APC2: variants seen among roughly 807,000 people sequenced by gnomAD.
APC2 encodes the protein APC regulator of Wnt signaling pathway 2, also known as adenomatous polyposis coli protein 2.
APC2 carries 41 observed loss-of-function variants against 72.5 expected under a neutral mutation model. The ratio of observed to expected loss-of-function variants is 0.57; its 90% CI spans 0.44 to 0.73. The LOEUF is 0.73. APC2 is among the 30% of genes least tolerant of loss of function. The pLI, the probability that APC2 is intolerant of heterozygous loss-of-function variation, is 0.00. For missense variants in APC2, 3,729 were observed against 3,403.4 expected, an observed-to-expected ratio of 1.10 and a Z score of -2.38; for synonymous variants, 1,898 against 1,612.0, an observed-to-expected ratio of 1.18 and a Z score of -4.25.
chr19:1,455,598 A>C (rs2145191073), intron 6 of APC2, 98 bp downstream of exon 6: 3 of 1,226,602 alleles, frequency 2.4e-6, no homozygotes, highest in South Asian at 2.6e-5. Flanking sequence ...GGGTAATGGG[A>C]GGAGTCTTAT....
chr19:1,454,563 C>CTTTTTT (rs71174371), intron 4 of APC2, among the ~76,000 whole-genome samples: 3 of 116,172 alleles, frequency 2.6e-5, no homozygotes, highest in African/African-American at 3.6e-5. Context: ...ATCTTTTGTA[C>CTTTTTT]TTTTTTTTTT....
In APC2 at chr19:1,469,673, C is replaced by G. The variant is rs1458413066; in HGVS notation, c.6372C>G (p.Ala2124=). Residue 2124 remains alanine (A), a synonymous_variant, in exon 15 of 15, where the codon GCC becomes GCG. Transcript: ENST00000590469. ...CCGCGGCCCCTGCCTCAGCCGACGCCGCGCGCCGCAGCAGCGACGGGGAGC... is the reference window on the plus strand; with the variant it reads ...CCGCGGCCCCTGCCTCAGCCGACGCGGCGCGCCGCAGCAGCGACGGGGAGC... ...AVPAAPASAD[A]ARRSSDGEPR... 1.6e-6 allele frequency: 2 copies of G among 1,273,014 alleles called. No homozygotes were observed. Among genetic ancestry groups the G allele is most frequent in the Non-Finnish European group, 2.0e-6 (2 of 1,015,688 alleles). 78.9% of individuals were successfully genotyped at this position (1,273,014 alleles called of 1,614,324 possible). A position where few individuals can be genotyped will look rare whatever the true frequency, so the allele number is the denominator to read the frequency against.
At position 1,455,508 on chromosome 19, in the gene APC2, G is replaced by T; in HGVS notation, c.639+8G>T. ...ATGGTGCAGCGGGCACAGGTGCGGC[G>T]GTGGGCGGGGTGGCGCGGCGGTAGG... is the stretch of plus-strand genomic sequence containing the variant. On this transcript the variant is annotated splice_region_variant and intron_variant, in intron 6 of 14. Transcript: ENST00000590469. The T allele has an allele frequency of 3.1e-6, 5 of 1,593,950 alleles. No homozygotes were observed. Among genetic ancestry groups the T allele is most frequent in the Non-Finnish European group, 4.3e-6 (5 of 1,169,788 alleles).
At chr19:1,459,797 T>TC (rs2083894931) in intron 10 of APC2, among the ~76,000 whole-genome samples, 1 of 152,142 alleles carries the variant, frequency 6.6e-6, no homozygotes, top group South Asian at 2.1e-4. Flanking sequence ...GATGCTGCTC[T>TC]CCATCTGATG....
intron 10 of APC2, among the ~76,000 whole-genome samples, chr19:1,459,470 C>T (rs2145207124): frequency 6.6e-6 from 1 of 152,282 alleles, no homozygotes; most frequent in South Asian, 2.1e-4. Flanking sequence ...TCTAGCTGCC[C>T]CCCACTCCTG....
rs531716646 is a variant in APC2, at chr19:1,467,773, G to A, written c.4472G>A (p.Gly1491Glu). The A allele has an allele frequency of 6.8e-5, 97 of 1,432,552 alleles. 1 individual carries two copies. The South Asian group carries it at 1.3e-3, about 19-fold the overall frequency. The allele number at this position is 1,432,552 out of a possible 1,614,324, so 88.7% of individuals were successfully genotyped here. Residue 1491 changes from glycine (G) to glutamate (E), a missense_variant, in exon 15 of 15, where the codon GGG (glycine) becomes GAG (glutamate). By Grantham distance (98) the Gly-to-Glu change is moderately conservative. Coordinates refer to ENST00000590469, the MANE Select transcript of APC2 (RefSeq NM_005883.3). ...AAGCCCGGCCGGACCCGCGGGGACG[G>A]GGCGCTCCAGTCGCTGTGCCTCACG... ...GSKPGRTRGD[G>E]ALQSLCLTTP... is the part of the protein sequence containing the mutation.
Position 1,452,912 on chromosome 19 carries a change from G to C in APC2, c.-18-72G>C. 2.0e-6 allele frequency: 3 copies of C among 1,521,842 alleles called. No homozygotes were observed. The highest frequency in any genetic ancestry group is 2.7e-6 in the Non-Finnish European group (3 of 1,130,586). 94.3% of individuals were successfully genotyped at this position (1,521,842 alleles called of 1,614,324 possible). Reference sequence around the variant, plus strand: ...AGGACGGCTGGGGCTTAGGTCAGGGGCCGTCTGTCCGGAAGGCATCACCGC... The same window carrying C: ...AGGACGGCTGGGGCTTAGGTCAGGGCCCGTCTGTCCGGAAGGCATCACCGC... On this transcript the variant is annotated intron_variant, in intron 1 of 14. Transcript: ENST00000590469. The surrounding 1 kb of genome is among the most constrained non-coding windows in gnomAD (Gnocchi z 5.1).
rs2084100371 is a variant in APC2 at position 1,469,753 on chromosome 19, A to T, written c.6452A>T (p.Asp2151Val). 6.7e-7 allele frequency: 1 copy of T among 1,491,948 alleles called. No individual in the cohort carries two copies. The highest frequency in any genetic ancestry group is 1.5e-5 in the African/African-American group (1 of 67,928). The allele number at this position is 1,491,948 out of a possible 1,614,324, so 92.4% of individuals were successfully genotyped here. ...GGCACGACCTGGCGGCGCATCCGAG[A>T]TGAGGACGTGCCCCACATCCTGCGC... ...APGTTWRRIR[D>V]EDVPHILRST... The change falls in exon 15 of 15, where the codon GAT becomes GTT. Residue 2151 changes from aspartate to valine, a missense_variant. Transcript: ENST00000590469.
At position 1,468,160 on chromosome 19, in the gene APC2, C is replaced by A; in HGVS notation, c.4859C>A (p.Pro1620His). The A allele has an allele frequency of 6.8e-7, 1 of 1,461,146 alleles. No homozygotes were observed. The highest frequency in any genetic ancestry group is 1.3e-5 in the South Asian group (1 of 74,308). 90.5% of individuals were successfully genotyped at this position (1,461,146 alleles called of 1,614,324 possible). Residue 1620 changes from proline to histidine, a missense_variant, in exon 15 of 15, where the codon CCC (proline) becomes CAC (histidine). Physicochemically the swap from Pro to His is moderately conservative, Grantham distance 77. Coordinates refer to ENST00000590469, the MANE Select transcript of APC2 (RefSeq NM_005883.3). ...CCAGGAGGCGGACGCGACAGCTCGC[C>A]CAGCCCGCGGGCCGCGGAGGAGCTT... ...PGPGGGRDSS[P>H]SPRAAEELLQ... is the part of the protein sequence containing the mutation.
upstream of APC2, among the ~76,000 whole-genome samples, chr19:1,446,968 C>T (rs966893831): frequency 1.3e-5 from 2 of 152,202 alleles, no homozygotes; most frequent in African/African-American, 4.8e-5. This position sits in a 1 kb window ranked among gnomAD's most constrained non-coding sequence, Gnocchi z 6.1. Flanking sequence ...GAGGCCGGAG[C>T]CTCGTTGCGG....
chr19:1,468,273 G>A lies in APC2; in HGVS notation c.4972G>A (p.Asp1658Asn). 1 of 1,532,076 alleles carries A rather than the reference G, an allele frequency of 6.5e-7. No homozygotes were observed. The highest frequency in any genetic ancestry group is 8.8e-7 in the Non-Finnish European group (1 of 1,141,286). The allele number at this position is 1,532,076 out of a possible 1,614,324, so 94.9% of individuals were successfully genotyped here. ...CCGCAAGCCCCGAGCCACCCGGCTG[G>A]ATGAGCGGCCCGCAGAGGGGTCCCG... Reference protein sequence around the residue: ...RRRKPRATRLDERPAEGSRER... With the variant: ...RRRKPRATRLNERPAEGSRER... The change falls in exon 15 of 15, where the codon GAT becomes AAT. Residue 1658 changes from aspartate to asparagine, a missense_variant. By Grantham distance (23) the Asp-to-Asn change is conservative. Transcript: ENST00000590469.
chr19:1,456,435 CA>C (rs759466635), intron 8 of APC2, 31 bp downstream of exon 8: 1 of 1,553,276 alleles, frequency 6.4e-7, no homozygotes, highest in Non-Finnish European at 8.7e-7. Context: ...GGGGCTGGCG[CA>C]GCTGTCTGGG....
chr19:1,458,318 GGGGCTCAGAAC>G (rs1230770832), intron 10 of APC2: 7 of 545,042 alleles, frequency 1.3e-5, no homozygotes, highest in African/African-American at 9.5e-5. Flanking sequence ...TAAGTTCCCT[GGGGCTCAGAAC>G]AGGGAACGGA....
chr19:1,468,440 G>A lies in APC2; in HGVS notation c.5139G>A (p.Glu1713=), dbSNP rs1045710352. The A allele has an allele frequency of 1.0e-5, 16 of 1,594,334 alleles. No individual in the cohort carries two copies. In the East Asian group the frequency reaches 3.6e-4, roughly 36 times the overall value. ...AAAATREASS[E]SDSILSFVSG... Reference sequence around the variant, plus strand: ...CTGCCACGCGGGAGGCCTCGTCCGAGTCCGACTCCATCCTGTCCTTCGTAT... The same window carrying A: ...CTGCCACGCGGGAGGCCTCGTCCGAATCCGACTCCATCCTGTCCTTCGTAT... The change falls in exon 15 of 15, where the codon GAG becomes GAA. Residue 1713 remains glutamate, a synonymous_variant. Transcript: ENST00000590469.
rs265276 is a variant in APC2 at position 1,471,128 on chromosome 19, C to G, written c.*915C>G. On this transcript the variant is annotated 3_prime_UTR_variant, in exon 15 of 15. Coordinates refer to ENST00000590469, the MANE Select transcript of APC2 (RefSeq NM_005883.3). Reference sequence around the variant, plus strand: ...ATGGAAAGGAGACTGAGGGGAGTCCCGGCAGTGAGCCCGAGGCCCTGGGAC... The same window carrying G: ...ATGGAAAGGAGACTGAGGGGAGTCCGGGCAGTGAGCCCGAGGCCCTGGGAC... 23,652 of 152,428 alleles carry G rather than the reference C, an allele frequency of 0.16. 3,714 individuals carry two copies. The highest frequency in any genetic ancestry group is 0.4 in the African/African-American group (16,683 of 41,506). 9.4% of individuals were successfully genotyped at this position (152,428 alleles called of 1,614,324 possible).
chr19:1,448,388 A>C (rs142772005), upstream of APC2, among the ~76,000 whole-genome samples: 122 of 151,954 alleles, frequency 8.0e-4, no homozygotes, highest in African/African-American at 2.8e-3. Flanking sequence ...CTCTATTAAA[A>C]ATACAAAAAT....
At chr19:1,457,828 G>A (rs2083859278) in intron 9 of APC2, 137 bp from the exon 10 acceptor site, 2 of 718,204 alleles carry the variant, frequency 2.8e-6, no homozygotes, top group Non-Finnish European at 4.7e-6. Flanking sequence ...GGCTGGGAAA[G>A]GAAGTCCCAA....
intron 14 of APC2, 35 bp from the exon 15 acceptor site, chr19:1,465,120 G>C (rs369614358): frequency 1.3e-6 from 2 of 1,571,866 alleles, no homozygotes; most frequent in Non-Finnish European, 8.6e-7. Context: ...GGGAGGGTGG[G>C]GGGTGGCCCA....
At chr19:1,455,324 G>C (rs1435938220) in intron 5 of APC2, 60 bp from the exon 6 acceptor site, 1 of 1,587,686 alleles carries the variant, frequency 6.3e-7, no homozygotes, top group Non-Finnish European at 8.6e-7. Context: ...GCGGCGTGGG[G>C]GAGGAACGGG....
Sources: allele counts gnomAD v4.1 joint callset (sites outside exome capture counted in the v4.1 genomes callset), GRCh38; gene constraint gnomAD v4.1.1; non-coding constraint Gnocchi (gnomAD v3.1); transcripts MANE v1.5; gene names NCBI Gene and HGNC (gene_info 2026-07-23, HGNC 2026-07-21).